DNAH14: variants seen among roughly 807,000 people sequenced by gnomAD.
DNAH14 encodes the protein axonemal beta dynein heavy chain 14.
A neutral mutation model predicts 520.9 loss-of-function variants in DNAH14; 478 were observed. The observed-to-expected ratio is 0.92, with a 90% CI of 0.85 to 0.99. The LOEUF is 0.99. DNAH14 is among the 50% of genes least tolerant of loss of function. The pLI is 0.00. For synonymous variants in DNAH14, 1,581 were observed against 1,757.2 expected (o/e 0.90, Z 2.51); for missense variants, 4,831 against 5,234.5 (o/e 0.92, Z 2.38).
At chr1:224,978,576 A>T (rs966192261) in intron 8 of DNAH14, among the ~76,000 whole-genome samples, 1 of 152,210 alleles carries the variant, frequency 6.6e-6, no homozygotes. Context: ...GTAGTGTTCT[A>T]TAGCTTTGTA....
intron 36 of DNAH14, among the ~76,000 whole-genome samples, chr1:225,177,250 G>T (rs2083436485): frequency 6.6e-6 from 1 of 152,170 alleles, no homozygotes; most frequent in African/African-American, 2.4e-5. Flanking sequence ...ATGATTTAGG[G>T]TATCTGGTGG....
rs575823289 is a variant in DNAH14, at chr1:225,274,177, C to T, written c.8010+1052C>T. Among the ~76,000 whole-genome samples, 971 of 150,256 alleles carry T rather than the reference C, an allele frequency of 6.5e-3. 3 individuals carry two copies. Among genetic ancestry groups the T allele is most frequent in the Middle Eastern group, 0.01 (3 of 290 alleles). On this transcript the variant is annotated intron_variant, in intron 52 of 85. Transcript: ENST00000682510. Reference sequence around the variant, plus strand: ...GTGTGTAAGTGTTCCTTTTTCTCTGCATCCTCACCAGCATCTGTTATTTTT... The same window carrying T: ...GTGTGTAAGTGTTCCTTTTTCTCTGTATCCTCACCAGCATCTGTTATTTTT...
At chr1:225,339,259 TGAG>T (rs5781400) in intron 68 of DNAH14, among the ~76,000 whole-genome samples, 17,122 of 151,964 alleles carry the variant, frequency 0.11, 1,137 homozygotes, top group East Asian at 0.26. Context: ...TGCAGTGAGC[TGAG>T]ATCGCACCAT....
In DNAH14 at chr1:225,107,664, G is replaced by A. The variant is rs112451603; in HGVS notation, c.3867+6780G>A. ...AGGAACCCCACCTGCCATGGATACC[G>A]GAATTGCTGAATCTTATGGTAGCTC... On this transcript the variant is annotated intron_variant, in intron 23 of 85. Transcript: ENST00000682510. 2.8e-3 allele frequency among the ~76,000 whole-genome samples: 427 copies of A among 152,256 alleles called. 3 individuals carry two copies. Among genetic ancestry groups the A allele is most frequent in the African/African-American group, 9.5e-3 (393 of 41,536 alleles).
chr1:225,167,539 C>A (rs1427873069), intron 35 of DNAH14, among the ~76,000 whole-genome samples: 2 of 152,104 alleles, frequency 1.3e-5, no homozygotes, highest in African/African-American at 4.8e-5. Flanking sequence ...ATAATCATTA[C>A]AAAATTGAAA....
chr1:225,334,479 G>A (rs562917154), intron 66 of DNAH14, among the ~76,000 whole-genome samples: 1 of 151,610 alleles, frequency 6.6e-6, no homozygotes, highest in East Asian at 2.0e-4. Context: ...CTAGGCTACT[G>A]AGAGAAGACC....
At chr1:225,374,536 C>T (rs2095671149) in intron 77 of DNAH14, among the ~76,000 whole-genome samples, 152 bp from the exon 78 acceptor site, 1 of 151,964 alleles carries the variant, frequency 6.6e-6, no homozygotes, top group Non-Finnish European at 1.5e-5. Flanking sequence ...GCTGGGATTA[C>T]AGGCGTGAGC....
At chr1:225,316,663 C>T (rs2094472858) in intron 60 of DNAH14, among the ~76,000 whole-genome samples, 1 of 152,150 alleles carries the variant, frequency 6.6e-6, no homozygotes, top group South Asian at 2.1e-4. Flanking sequence ...TGCTTCAGTT[C>T]TCCCTCCATG....
chr1:225,100,506 G>A (rs2075355929), intron 22 of DNAH14, among the ~76,000 whole-genome samples: 1 of 152,032 alleles, frequency 6.6e-6, no homozygotes. Flanking sequence ...TTAAATGATG[G>A]TTGTTGTGTC....
chr1:225,077,836 A>G (rs1311682842), intron 17 of DNAH14, among the ~76,000 whole-genome samples: 1 of 152,216 alleles, frequency 6.6e-6, no homozygotes, highest in Non-Finnish European at 1.5e-5. Flanking sequence ...TCTCTGGGTA[A>G]TGGAATAATA....
At chr1:225,007,084 T>C (rs1038720493) in intron 9 of DNAH14, among the ~76,000 whole-genome samples, 7 of 152,224 alleles carry the variant, frequency 4.6e-5, no homozygotes, top group African/African-American at 1.7e-4. Context: ...TTACAGATAA[T>C]GGTGACTTCA....
At chr1:224,929,892 C>T in intron 1 of DNAH14, 57 bp downstream of exon 1, 1 of 610,054 alleles carries the variant, frequency 1.6e-6, no homozygotes, top group East Asian at 2.9e-5. Flanking sequence ...GGGCGGGCGG[C>T]GCGTGGGGCA....
chr1:225,361,467 A>T (rs991151915), intron 75 of DNAH14, among the ~76,000 whole-genome samples: 1 of 152,240 alleles, frequency 6.6e-6, no homozygotes, highest in African/African-American at 2.4e-5. Flanking sequence ...AATGTGTTGA[A>T]TCAATGATGT....
At chr1:225,091,696 A>G (rs1258294968) in intron 21 of DNAH14, among the ~76,000 whole-genome samples, 1 of 152,134 alleles carries the variant, frequency 6.6e-6, no homozygotes, top group Non-Finnish European at 1.5e-5. Flanking sequence ...TACCCGGCCA[A>G]CAACACAATG....
Position 224,966,886 on chromosome 1 carries a change from T to A in DNAH14, c.499-545T>A, listed in dbSNP as rs190149666. 1.2e-3 allele frequency among the ~76,000 whole-genome samples: 184 copies of A among 152,236 alleles called. 3 individuals carry two copies. The highest frequency in any genetic ancestry group is 6.8e-3 in the Middle Eastern group (2 of 294). The stretch of plus-strand genomic sequence containing the variant: ...TAATTTCTGCAATTGTTTAATGAAG[T>A]TGAAAATATTAAGCCTTAGTTTCTT... On this transcript the variant is annotated intron_variant, in intron 5 of 85. Coordinates refer to ENST00000682510, the MANE Select transcript of DNAH14 (RefSeq NM_001367479.1).
intron 48 of DNAH14, among the ~76,000 whole-genome samples, chr1:225,266,259 C>G (rs1242976413): frequency 6.6e-6 from 1 of 152,076 alleles, no homozygotes; most frequent in Non-Finnish European, 1.5e-5. Context: ...TACAATAGTG[C>G]CTTGCCAATA....
chr1:225,354,167 T>C (rs1473470683), intron 73 of DNAH14: 1 of 702,180 alleles, frequency 1.4e-6, no homozygotes, highest in African/African-American at 1.7e-5. Context: ...TTTGTCTGCC[T>C]ATAAAGAACA....
At chr1:225,064,600 T>A (rs1280660401) in intron 17 of DNAH14, among the ~76,000 whole-genome samples, 1 of 151,538 alleles carries the variant, frequency 6.6e-6, no homozygotes, top group Non-Finnish European at 1.5e-5. Flanking sequence ...AAGAACAAGC[T>A]ACTACATGCA....
At chr1:225,076,440 C>T (rs538819971) in intron 17 of DNAH14, among the ~76,000 whole-genome samples, 2 of 152,174 alleles carry the variant, frequency 1.3e-5, no homozygotes, top group Non-Finnish European at 2.9e-5. Context: ...TGTCATCTCT[C>T]ACTTGATTTC....
Sources: gnomAD v4.1 joint callset for allele counts (sites outside exome capture counted in the v4.1 genomes callset) on GRCh38, gnomAD v4.1.1 for gene constraint, MANE v1.5 for transcripts, NCBI Gene and HGNC (gene_info 2026-07-23, HGNC 2026-07-21) for gene names.